The following DNAJC1 variants were observed in gnomAD, a reference collection of about 807,000 sequenced individuals.
DNAJC1 encodes the protein dnaJ homolog subfamily C member 1.
A neutral mutation model predicts 76.6 loss-of-function variants in DNAJC1; 58 were observed. That is an observed-to-expected ratio of 0.76 (90% confidence interval 0.61 to 0.94). The LOEUF is 0.94. Among genes scored for constraint, DNAJC1 ranks in the 40% least tolerant of loss-of-function variants. DNAJC1 has a pLI of 0.00. For synonymous variants in DNAJC1, 258 were observed against 267.9 expected, an observed-to-expected ratio of 0.96 and a Z score of 0.36; for missense variants, 689 against 677.3, an observed-to-expected ratio of 1.02 and a Z score of -0.19.
At chr10:21,845,928 A>C (rs1305682686) in intron 8 of DNAJC1, among the ~76,000 whole-genome samples, 1 of 152,172 alleles carries the variant, frequency 6.6e-6, no homozygotes, top group African/African-American at 2.4e-5. Context: ...AAACTTTTGA[A>C]AAAAGAACCA....
At chr10:21,970,211 A>G (rs1837956352) in intron 1 of DNAJC1, among the ~76,000 whole-genome samples, 1 of 152,150 alleles carries the variant, frequency 6.6e-6, no homozygotes. Flanking sequence ...ATTTTGTACT[A>G]TCTAATAAAA....
At chr10:21,958,890 T>C (rs995065689) in intron 1 of DNAJC1, among the ~76,000 whole-genome samples, 3 of 152,154 alleles carry the variant, frequency 2.0e-5, no homozygotes, top group African/African-American at 7.2e-5. Context: ...GTTCATTTGG[T>C]AAGAACATTT....
chr10:21,852,566 A>G (rs947215901), intron 8 of DNAJC1, among the ~76,000 whole-genome samples: 7 of 152,336 alleles, frequency 4.6e-5, no homozygotes, highest in Non-Finnish European at 8.8e-5. Flanking sequence ...GAAAAAAGAC[A>G]TACAATATCA....
intron 1 of DNAJC1, among the ~76,000 whole-genome samples, chr10:21,991,795 A>T (rs1361269681): frequency 1.3e-5 from 2 of 152,242 alleles, no homozygotes; most frequent in African/African-American, 2.4e-5. Context: ...TTATATTTAA[A>T]TTGAAAAACT....
chr10:21,841,383 A>G (rs1235930948), intron 8 of DNAJC1, among the ~76,000 whole-genome samples: 1 of 152,194 alleles, frequency 6.6e-6, no homozygotes, highest in Admixed American at 6.5e-5. Context: ...AGAATCTACA[A>G]TGAACTCAAA....
chr10:21,774,989 C>T (rs1449089842), intron 9 of DNAJC1, among the ~76,000 whole-genome samples: 1 of 152,178 alleles, frequency 6.6e-6, no homozygotes, highest in Non-Finnish European at 1.5e-5. Context: ...GAGTCAAGGA[C>T]TCAGTTTGAG....
chr10:21,809,722 T>C (rs1318895982), intron 8 of DNAJC1, among the ~76,000 whole-genome samples: 2 of 152,150 alleles, frequency 1.3e-5, no homozygotes, highest in Non-Finnish European at 2.9e-5. Context: ...TTTAATTTAG[T>C]GCACAGTTTT....
intron 9 of DNAJC1, among the ~76,000 whole-genome samples, chr10:21,784,294 G>GA (rs1834573535): frequency 1.3e-5 from 2 of 152,132 alleles, no homozygotes; most frequent in South Asian, 4.1e-4. Context: ...ACAGATGCAA[G>GA]AAAAAATGCT....
chr10:21,819,401 CAA>C (rs34634457), intron 8 of DNAJC1, among the ~76,000 whole-genome samples: 1 of 140,690 alleles, frequency 7.1e-6, no homozygotes, highest in Non-Finnish European at 1.6e-5. Context: ...AACTCCGTCT[CAA>C]AAAAAAAAAG....
chr10:21,815,220 G>T (rs1835055062), intron 8 of DNAJC1, among the ~76,000 whole-genome samples: 1 of 152,188 alleles, frequency 6.6e-6, no homozygotes, highest in Non-Finnish European at 1.5e-5. Context: ...TTGTTTAATG[G>T]CATGGAGCCA....
chr10:21,771,820 C>G (rs947276901), intron 9 of DNAJC1, among the ~76,000 whole-genome samples: 1 of 152,106 alleles, frequency 6.6e-6, no homozygotes, highest in South Asian at 2.1e-4. Context: ...TTGAGATGAT[C>G]GTGTGATACT....
At chr10:21,827,907 T>G (rs545958601) in intron 8 of DNAJC1, among the ~76,000 whole-genome samples, 1 of 152,360 alleles carries the variant, frequency 6.6e-6, no homozygotes, top group South Asian at 2.1e-4. Flanking sequence ...ATGAACATCT[T>G]TTAAATAATT....
intron 9 of DNAJC1, among the ~76,000 whole-genome samples, chr10:21,778,162 C>T (rs998825126): frequency 6.6e-6 from 1 of 152,056 alleles, no homozygotes; most frequent in Non-Finnish European, 1.5e-5. Flanking sequence ...CCACTGCACT[C>T]CAGCCTGGGC....
intron 8 of DNAJC1, among the ~76,000 whole-genome samples, chr10:21,809,495 C>T (rs776056688): frequency 1.3e-5 from 2 of 151,224 alleles, no homozygotes; most frequent in Non-Finnish European, 2.9e-5. Context: ...ATTCTTACAT[C>T]GCATTGCCCA....
chr10:21,757,826 G>A (rs558213089), intron 11 of DNAJC1, among the ~76,000 whole-genome samples: 14 of 152,330 alleles, frequency 9.2e-5, no homozygotes, highest in African/African-American at 2.9e-4. Context: ...GGGAACACCC[G>A]CAGGCTGAAG....
At chr10:21,900,386 T>C (rs2131740763) in intron 7 of DNAJC1, among the ~76,000 whole-genome samples, 1 of 151,966 alleles carries the variant, frequency 6.6e-6, no homozygotes, top group Middle Eastern at 3.4e-3. Context: ...GAAATTTGAC[T>C]AATTAATCTA....
intron 1 of DNAJC1, among the ~76,000 whole-genome samples, chr10:21,992,034 G>C (rs1838332699): frequency 6.6e-6 from 1 of 152,336 alleles, no homozygotes; most frequent in Admixed American, 6.5e-5. Context: ...TTTTTGGCTG[G>C]ACATGGTGGC....
At chr10:21,933,166 G>A (rs567193119) in intron 1 of DNAJC1, 49 of 152,576 alleles carry the variant, frequency 3.2e-4, no homozygotes, top group African/African-American at 1.0e-3. Context: ...ATCTGGCTGC[G>A]ACATCTGTCA....
chr10:21,987,363 T>G (rs1208501771), intron 1 of DNAJC1, among the ~76,000 whole-genome samples: 1 of 152,108 alleles, frequency 6.6e-6, no homozygotes, highest in African/African-American at 2.4e-5. Context: ...TACAATAATA[T>G]AGTTGGTTGT....
Sources: gnomAD v4.1 joint callset for allele counts (sites outside exome capture counted in the v4.1 genomes callset) on GRCh38, gnomAD v4.1.1 for gene constraint, MANE v1.5 for transcripts, NCBI Gene and HGNC (gene_info 2026-07-23, HGNC 2026-07-21) for gene names.